The following NFASC variants were observed in gnomAD, a reference collection of about 807,000 sequenced individuals.
The protein encoded by NFASC is neurofascin homolog.
NFASC carries 43 observed loss-of-function variants against 147.5 expected under a neutral mutation model. The observed-to-expected ratio is 0.29, with a 90% CI of 0.23 to 0.38. NFASC has a LOEUF of 0.38. NFASC is among the 10% of genes least tolerant of loss of function. The pLI is 1.00. For missense variants in NFASC, 1,320 were observed against 1,689.0 expected (o/e 0.78, Z 3.83); for synonymous variants, 622 against 665.5 (o/e 0.93, Z 1.01).
intron 7 of NFASC, among the ~76,000 whole-genome samples, chr1:204,956,770 C>T (rs2094452199): frequency 6.6e-6 from 1 of 152,120 alleles, no homozygotes. Flanking sequence ...TAACCTTGTG[C>T]TTTAAGAAAT....
chr1:204,881,173 G>A (rs1356013905), intron 1 of NFASC, among the ~76,000 whole-genome samples: 1 of 152,152 alleles, frequency 6.6e-6, no homozygotes, highest in Non-Finnish European at 1.5e-5. Flanking sequence ...GGCAGGGACC[G>A]GCTTTGCTTG....
chr1:204,877,135 T>C (rs960116830), intron 1 of NFASC, among the ~76,000 whole-genome samples: 1 of 142,370 alleles, frequency 7.0e-6, no homozygotes, highest in African/African-American at 2.6e-5. Context: ...AAATATTAAA[T>C]AATATATAAA....
chr1:204,830,019 G>GTGTGTGTGTA (rs1671770909), intron 1 of NFASC, among the ~76,000 whole-genome samples: 1 of 145,968 alleles, frequency 6.9e-6, no homozygotes, highest in Admixed American at 6.8e-5. Context: ...GTGTGTGTGT[G>GTGTGTGTGTA]TGTGTGTGTG....
chr1:204,923,045 C>T (rs1414665108), intron 2 of NFASC, among the ~76,000 whole-genome samples: 4 of 152,196 alleles, frequency 2.6e-5, no homozygotes, highest in African/African-American at 7.2e-5. Flanking sequence ...TTGCCCAAAG[C>T]CCCCCATCTA....
In NFASC at chr1:205,010,033, TCC is replaced by T; in HGVS notation, c.3421+347_3421+348del. On this transcript the variant is annotated intron_variant, in intron 28 of 29. Transcript: ENST00000339876. The surrounding 1 kb of genome is among the most constrained non-coding windows in gnomAD (Gnocchi z 4.1). Reference sequence around the variant, plus strand: ...GCCTGAATCTCATTAGGATCCTGTGTCCCAGGGAAGGAGAAAGGAAGAGAGGC... The same window carrying T: ...GCCTGAATCTCATTAGGATCCTGTGTCAGGGAAGGAGAAAGGAAGAGAGGC... The T allele has an allele frequency of 4.0e-6, 1 of 248,882 alleles. No individual in the cohort carries two copies. The allele number at this position is 248,882 out of a possible 1,614,324, so 15.4% of individuals were successfully genotyped here.
At chr1:204,926,550 A>G (rs2091625794) in intron 2 of NFASC, among the ~76,000 whole-genome samples, 1 of 148,348 alleles carries the variant, frequency 6.7e-6, no homozygotes, top group African/African-American at 2.5e-5. Context: ...AGTAGCTGGG[A>G]CCACAGTTGC....
chr1:204,946,309 C>A (rs1160517818), intron 3 of NFASC: 1 of 513,668 alleles, frequency 1.9e-6, no homozygotes, highest in Admixed American at 2.0e-5. Flanking sequence ...ATGGTTCTGG[C>A]AGCTAACCCT....
At chr1:204,932,778 C>G (rs2092479599) in intron 2 of NFASC, among the ~76,000 whole-genome samples, 1 of 152,194 alleles carries the variant, frequency 6.6e-6, no homozygotes, top group Non-Finnish European at 1.5e-5. Flanking sequence ...GTTTCCCACC[C>G]TTAGTTTAAA....
rs575521973 is a variant in NFASC at position 204,954,925 on chromosome 1, C to G, written c.509C>G (p.Ser170Cys). The change falls in exon 7 of 30, where the codon TCC becomes TGC. Residue 170 changes from serine (S) to cysteine (C), a missense_variant. Ser to Cys is a moderately radical substitution (Grantham distance 112). Around this residue, in one of 3 missense-constraint regions of NFASC, gnomAD observed 981 missense variants for 1,289.5 expected, o/e 0.76. Coordinates refer to ENST00000339876, the MANE Select transcript of NFASC (RefSeq NM_001005388.3). This position sits in a 1 kb window ranked among gnomAD's most constrained non-coding sequence, Gnocchi z 5.7. ...TGCAACCCCCCGCCTGGACTTCCATCCCCGGTCATCTTCTGGATGAGCAGC... is the reference window on the plus strand; with the variant it reads ...TGCAACCCCCCGCCTGGACTTCCATGCCCGGTCATCTTCTGGATGAGCAGC... ...LQCNPPPGLP[S>C]PVIFWMSSSM... 3.7e-6 allele frequency: 6 copies of G among 1,614,160 alleles called. No homozygotes were observed. In the South Asian group the frequency reaches 6.6e-5, roughly 18 times the overall value.
intron 29 of NFASC, among the ~76,000 whole-genome samples, chr1:205,013,581 A>G (rs1202421633): frequency 6.6e-6 from 1 of 152,054 alleles, no homozygotes; most frequent in Non-Finnish European, 1.5e-5. Context: ...ATACTTCTAT[A>G]CCCATGCTCC....
intron 1 of NFASC, among the ~76,000 whole-genome samples, chr1:204,889,559 T>A (rs1246073731): frequency 6.6e-6 from 1 of 152,218 alleles, no homozygotes; most frequent in East Asian, 1.9e-4. Context: ...CCTTTCTGAA[T>A]AGTCTTACGG....
intron 1 of NFASC, among the ~76,000 whole-genome samples, chr1:204,845,877 T>C (rs1345428220): frequency 6.0e-5 from 9 of 151,186 alleles, no homozygotes; most frequent in Non-Finnish European, 1.5e-5. Flanking sequence ...ACACCGCGTG[T>C]GTGGTAGGCT....
intron 15 of NFASC, 107 bp from the exon 16 acceptor site, chr1:204,976,563 GC>G: frequency 1.3e-6 from 1 of 765,834 alleles, no homozygotes; most frequent in Non-Finnish European, 2.2e-6. Flanking sequence ...CCCAGAAGGA[GC>G]TTCCCTTGCC....
At chr1:205,013,704 C>T (rs2151078719) in intron 29 of NFASC, among the ~76,000 whole-genome samples, 1 of 152,268 alleles carries the variant, frequency 6.6e-6, no homozygotes, top group African/African-American at 2.4e-5. Flanking sequence ...TGTGGAGTGT[C>T]ATTCCCAGAC....
At chr1:204,831,010 G>C (rs115410586) in intron 1 of NFASC, among the ~76,000 whole-genome samples, 2,002 of 152,318 alleles carry the variant, frequency 0.013, 51 homozygotes, top group African/African-American at 0.045. Context: ...CAGCGTGAGA[G>C]GGGGTGGGGC....
intron 1 of NFASC, among the ~76,000 whole-genome samples, chr1:204,892,789 A>G (rs1210566180): frequency 6.6e-6 from 1 of 152,250 alleles, no homozygotes; most frequent in Non-Finnish European, 1.5e-5. Flanking sequence ...TAATATGACT[A>G]TTACAGAATT....
intron 1 of NFASC, among the ~76,000 whole-genome samples, chr1:204,906,903 T>TC (rs2086107285): frequency 1.3e-5 from 2 of 152,164 alleles, no homozygotes; most frequent in African/African-American, 4.8e-5. Flanking sequence ...CAGGATGGTC[T>TC]GCATCTCCTG....
At chr1:204,915,077 A>G (rs981097194) in intron 1 of NFASC, among the ~76,000 whole-genome samples, 2 of 152,162 alleles carry the variant, frequency 1.3e-5, no homozygotes, top group African/African-American at 2.4e-5. Context: ...CAGGAGATCG[A>G]GACCATCCTT....
At chr1:204,901,030 G>T (rs1558033324) in intron 1 of NFASC, among the ~76,000 whole-genome samples, 1 of 152,096 alleles carries the variant, frequency 6.6e-6, no homozygotes, top group African/African-American at 2.4e-5. Flanking sequence ...TTGGGTGTAA[G>T]GTGAGAGAGA....
Sources: allele counts gnomAD v4.1 joint callset (sites outside exome capture counted in the v4.1 genomes callset), GRCh38; gene constraint gnomAD v4.1.1; regional missense constraint gnomAD v4.1.1; non-coding constraint Gnocchi (gnomAD v3.1); transcripts MANE v1.5; gene names NCBI Gene and HGNC (gene_info 2026-07-23, HGNC 2026-07-21).